The following HELQ variants were observed in gnomAD, a reference collection of about 807,000 sequenced individuals.
HELQ encodes helicase, POLQ like, also known as helicase POLQ-like.
A neutral mutation model predicts 111.6 loss-of-function variants in HELQ; 77 were observed. That is an observed-to-expected ratio of 0.69 (90% CI 0.57 to 0.83). The LOEUF is 0.83. HELQ is among the 40% of genes least tolerant of loss of function. HELQ has a pLI of 0.00. For synonymous variants in HELQ, 438 were observed against 454.7 expected, an observed-to-expected ratio of 0.96 and a Z score of 0.47; for missense variants, 1,200 against 1,288.5, an observed-to-expected ratio of 0.93 and a Z score of 1.05.
chr4:83,449,604 C>T (rs745972935), intron 2 of HELQ, among the ~76,000 whole-genome samples: 11 of 152,062 alleles, frequency 7.2e-5, no homozygotes, highest in South Asian at 2.1e-4. Flanking sequence ...TCCAAGATAC[C>T]GTGTGAAAAC....
chr4:83,417,700 A>G (rs1168524713), intron 16 of HELQ, among the ~76,000 whole-genome samples: 1 of 152,192 alleles, frequency 6.6e-6, no homozygotes, highest in African/African-American at 2.4e-5. Flanking sequence ...CTCTTAGAAA[A>G]AATACAAATG....
chr4:83,442,680 G>C (rs1345644413), intron 6 of HELQ, among the ~76,000 whole-genome samples: 2 of 151,778 alleles, frequency 1.3e-5, no homozygotes, highest in African/African-American at 4.8e-5. Flanking sequence ...CAAAGTGCTG[G>C]GATTACAGGT....
At chr4:83,412,610 GA>G (rs1739162888) in intron 17 of HELQ, among the ~76,000 whole-genome samples, 1 of 152,214 alleles carries the variant, frequency 6.6e-6, no homozygotes. Flanking sequence ...AGGATTGCTT[GA>G]GGCCCGGAGT....
intron 12 of HELQ, among the ~76,000 whole-genome samples, chr4:83,428,679 GTCTCATGCCTGTAA>G (rs1376171991): frequency 1.3e-5 from 2 of 152,082 alleles, no homozygotes; most frequent in Non-Finnish European, 2.9e-5. Context: ...CAAATGTGTT[GTCTCATGCCTGTAA>G]TCTCAGCACT....
chr4:83,431,382 T>C (rs1443253561), intron 11 of HELQ, among the ~76,000 whole-genome samples: 2 of 152,096 alleles, frequency 1.3e-5, no homozygotes. Flanking sequence ...GGTCTTGAAC[T>C]CCTGGGCTCA....
Position 83,429,675 on chromosome 4 carries a change from T to C in HELQ, c.2367A>G (p.Leu789=), listed in dbSNP as rs1463554664. The change falls in exon 12 of 18, where the codon TTA becomes TTG. Residue 789 remains leucine, a synonymous_variant. Transcript: ENST00000295488. The part of the protein sequence containing the change: ...GTFFGVQQKV[L]LKEKSLWEIT... Reference sequence around the variant, plus strand: ...TTTCCCAGAGACTTTTTTCTTTCAATAAAACCTTTTGCTGAACACCAAAAA... The same window carrying C: ...TTTCCCAGAGACTTTTTTCTTTCAACAAAACCTTTTGCTGAACACCAAAAA... 2.5e-6 allele frequency: 4 copies of C among 1,613,474 alleles called. No homozygotes were observed. The South Asian group carries it at 4.4e-5, about 18-fold the overall frequency.
At chr4:83,423,639 G>A (rs1449392920) in intron 14 of HELQ, among the ~76,000 whole-genome samples, 4 of 152,156 alleles carry the variant, frequency 2.6e-5, no homozygotes, top group South Asian at 2.1e-4. Context: ...GGCAGGGCAC[G>A]GTGGCTCACG....
At chr4:83,415,080 G>C (rs1414184528) in intron 17 of HELQ, among the ~76,000 whole-genome samples, 1 of 152,132 alleles carries the variant, frequency 6.6e-6, no homozygotes, top group Non-Finnish European at 1.5e-5. Flanking sequence ...TATGAAAATA[G>C]TAAAACAATG....
At chr4:83,428,314 T>G (rs1425844454) in intron 12 of HELQ, among the ~76,000 whole-genome samples, 1 of 146,144 alleles carries the variant, frequency 6.8e-6, no homozygotes, top group Admixed American at 6.7e-5. Context: ...GTTCTTAGGT[T>G]TTTTTTTTTT....
Position 83,429,731 on chromosome 4 carries a change from C to A in HELQ, c.2311G>T (p.Asp771Tyr). Residue 771 changes from aspartate to tyrosine, a missense_variant, in exon 12 of 18, where the codon GAT becomes TAT. Asp to Tyr is a radical substitution (Grantham distance 160). Around this residue, in one of 3 missense-constraint regions of HELQ, gnomAD observed 585 missense variants for 665.3 expected, o/e 0.88. Transcript: ENST00000295488. ...LIGLKIATNLDDIYHFMNGTF... is the reference protein window; with the variant it reads ...LIGLKIATNLYDIYHFMNGTF... ...CCATTCATGAAATGATAGATGTCAT[C>A]AAGATTCGTTGCAATCTGAAACAAT... 1 of 1,610,820 alleles carries A rather than the reference C, an allele frequency of 6.2e-7. No homozygotes were observed. The highest frequency in any genetic ancestry group is 1.1e-5 in the South Asian group (1 of 90,574).
intron 14 of HELQ, 51 bp downstream of exon 14, chr4:83,425,943 A>C: frequency 1.1e-6 from 1 of 940,212 alleles, no homozygotes; most frequent in African/African-American, 1.6e-5. Context: ...TAGTGAGTGA[A>C]CTAAGTGTTG....
chr4:83,443,479 C>G (rs767995809), intron 6 of HELQ, 38 bp downstream of exon 6: 14 of 921,512 alleles, frequency 1.5e-5, no homozygotes, highest in Non-Finnish European at 2.3e-5. Context: ...TAGATGAATA[C>G]GAAACAAATC....
intron 15 of HELQ, among the ~76,000 whole-genome samples, chr4:83,419,422 T>C (rs911367228): frequency 1.3e-5 from 2 of 149,332 alleles, no homozygotes; most frequent in Non-Finnish European, 3.0e-5. Context: ...CTATTGATAA[T>C]AATTTGAAAA....
chr4:83,455,554 A>C lies in HELQ; in HGVS notation c.140T>G (p.Val47Gly), dbSNP rs564692561. The change falls in exon 1 of 18, where the codon GTG becomes GGG. Residue 47 changes from valine to glycine, a missense_variant. Physicochemically the swap from Val to Gly is moderately radical, Grantham distance 109. Coordinates refer to ENST00000295488, the MANE Select transcript of HELQ (RefSeq NM_133636.5). ...GGTTTTCCGCCTCCTGTTCTCAGCC[A>C]CCATTTCCTCCTCCTCTTTCCCCTC... ...GDEGKEEEEM[V>G]AENRRRKTAG... 1.2e-6 allele frequency: 2 copies of C among 1,613,608 alleles called. No homozygotes were observed. Among genetic ancestry groups the C allele is most frequent in the African/African-American group, 1.3e-5 (1 of 74,986 alleles).
Position 83,409,897 on chromosome 4 carries a change from T to TA in HELQ, c.3199-2338dup, listed in dbSNP as rs565339297. On this transcript the variant is annotated intron_variant, in intron 17 of 17. Coordinates refer to ENST00000295488, the MANE Select transcript of HELQ (RefSeq NM_133636.5). ...GTGTCCATAGAAAAACAGATTTAAA[T>TA]AAAAAACCTAATTAGGGCCACTGAA... 5.3e-3 allele frequency among the ~76,000 whole-genome samples: 809 copies of TA among 152,006 alleles called. 2 individuals are homozygous for TA. The highest frequency in any genetic ancestry group is 0.041 in the Middle Eastern group (12 of 294).
intron 14 of HELQ, among the ~76,000 whole-genome samples, chr4:83,424,371 A>C (rs781490300): frequency 6.6e-6 from 1 of 152,210 alleles, no homozygotes; most frequent in Non-Finnish European, 1.5e-5. Context: ...GCCATTTCCA[A>C]AGTAAAAGAC....
At chr4:83,446,658 C>T (rs969694724) in intron 4 of HELQ, among the ~76,000 whole-genome samples, 177 bp downstream of exon 4, 5 of 152,154 alleles carry the variant, frequency 3.3e-5, no homozygotes, top group African/African-American at 7.2e-5. Flanking sequence ...AAACACTTGA[C>T]ACAAAACCAA....
At chr4:83,415,017 G>A (rs1192306611) in intron 17 of HELQ, among the ~76,000 whole-genome samples, 5 of 152,142 alleles carry the variant, frequency 3.3e-5, no homozygotes, top group African/African-American at 9.7e-5. Flanking sequence ...TTAAGGTAAT[G>A]TAAGCAATGT....
chr4:83,445,665 G>A (rs1442173203), intron 5 of HELQ, among the ~76,000 whole-genome samples: 1 of 152,172 alleles, frequency 6.6e-6, no homozygotes, highest in Non-Finnish European at 1.5e-5. Context: ...ACTGAATGCA[G>A]TGTGCTAAGC....
Sources: allele counts gnomAD v4.1 joint callset (sites outside exome capture counted in the v4.1 genomes callset), GRCh38; gene constraint gnomAD v4.1.1; regional missense constraint gnomAD v4.1.1; transcripts MANE v1.5; gene names NCBI Gene and HGNC (gene_info 2026-07-23, HGNC 2026-07-21).